The following ARSF variants were observed in gnomAD, a reference collection of about 807,000 sequenced individuals.
The protein encoded by ARSF is arylsulfatase F.
In ARSF, 33 loss-of-function variants were observed where a neutral mutation model predicts 35.4. The ratio of observed to expected loss-of-function variants is 0.93; its 90% CI spans 0.71 to 1.25. ARSF has a LOEUF of 1.25. ARSF is among the 50% of genes most tolerant of loss of function. ARSF has a pLI of 0.00. For synonymous variants in ARSF, 222 were observed against 193.1 expected, an observed-to-expected ratio of 1.15 and a Z score of -1.24; for missense variants, 501 against 480.2, an observed-to-expected ratio of 1.04 and a Z score of -0.40.
At chrX:3,077,928 TG>T (rs1480042355) in intron 4 of ARSF, among the ~76,000 whole-genome samples, 1 of 104,940 alleles carries the variant, frequency 9.5e-6, no homozygotes, top group Non-Finnish European at 1.9e-5. Context: ...CTCAGCCTCC[TG>T]GGTAACTGGG....
intron 7 of ARSF, among the ~76,000 whole-genome samples, chrX:3,092,054 A>G (rs763235439): frequency 1.9e-4 from 21 of 111,199 alleles, no homozygotes; most frequent in Non-Finnish European, 3.8e-4. Flanking sequence ...ATAGATAAGT[A>G]CATGATACAT....
At chrX:3,109,032 A>C in intron 9 of ARSF, among the ~76,000 whole-genome samples, 1 of 109,378 alleles carries the variant, frequency 9.1e-6, no homozygotes. Context: ...AAGAAAAAAA[A>C]ATCCTGGCTG....
intron 1 of ARSF, among the ~76,000 whole-genome samples, chrX:3,044,062 C>T (rs2089965747): frequency 9.0e-6 from 1 of 111,613 alleles, no homozygotes; most frequent in Non-Finnish European, 1.9e-5. Context: ...GCTAGGATTA[C>T]AGGCGTGTGG....
chrX:3,108,744 C>T (rs1225555338), intron 9 of ARSF, among the ~76,000 whole-genome samples: 3 of 111,646 alleles, frequency 2.7e-5, no homozygotes, highest in Admixed American at 1.9e-4. Flanking sequence ...AGGCATGGCA[C>T]GGTGGCTCAC....
At chrX:3,077,789 T>TTTATTTATTATTATTA (rs1555919571) in intron 4 of ARSF, among the ~76,000 whole-genome samples, 1 of 92,216 alleles carries the variant, frequency 1.1e-5, no homozygotes, top group South Asian at 6.1e-4. Context: ...TTTTATTTTA[T>TTTATTTATTATTATTA]TTATTATTAT....
At chrX:3,101,253 T>C in intron 8 of ARSF, 32 bp downstream of exon 8, 1 of 1,191,090 alleles carries the variant, frequency 8.4e-7, no homozygotes, top group South Asian at 1.9e-5. Flanking sequence ...AGTGATCTGG[T>C]GGTGAATAAG....
chrX:3,072,764 T>C (rs2090114436), intron 3 of ARSF, among the ~76,000 whole-genome samples: 1 of 108,502 alleles, frequency 9.2e-6, no homozygotes, highest in Non-Finnish European at 1.9e-5. Flanking sequence ...TATGAACATA[T>C]AAATGTCATT....
intron 1 of ARSF, among the ~76,000 whole-genome samples, chrX:3,045,776 A>C (rs1303868205): frequency 1.0e-4 from 11 of 109,522 alleles, no homozygotes; most frequent in Admixed American, 2.9e-4. Context: ...GCTGGTCTCA[A>C]ACTCCTGACC....
intron 4 of ARSF, among the ~76,000 whole-genome samples, chrX:3,077,678 G>A (rs2147504153): frequency 9.1e-6 from 1 of 109,492 alleles, no homozygotes; most frequent in Admixed American, 9.8e-5. Flanking sequence ...AACCCACAAA[G>A]TCATAAACCA....
chrX:3,076,553 C>T lies in ARSF; in HGVS notation c.167C>T (p.Pro56Leu), dbSNP rs756113484. 1 of 1,201,468 alleles carries T rather than the reference C, an allele frequency of 8.3e-7. No homozygotes were observed. The highest frequency in any genetic ancestry group is 1.8e-5 in the African/African-American group (1 of 56,577). Reference sequence around the variant, plus strand: ...CCTTCCCTCTCCCCCTTCAGGACGCCTCACATCGACCGCCTTGCCAGGGAA... The same window carrying T: ...CCTTCCCTCTCCCCCTTCAGGACGCTTCACATCGACCGCCTTGCCAGGGAA... ...GCYGNDTMRT[P>L]HIDRLAREGV... The change falls in exon 4 of 11, where the codon CCT becomes CTT. Residue 56 changes from proline (P) to leucine (L), a missense_variant. Physicochemically the swap from Pro to Leu is moderately conservative, Grantham distance 98. Transcript: ENST00000381127.
chrX:3,048,789 G>T (rs1007273101), intron 1 of ARSF, among the ~76,000 whole-genome samples: 2 of 112,139 alleles, frequency 1.8e-5, no homozygotes, highest in South Asian at 3.7e-4. Flanking sequence ...TTTTGGGTTC[G>T]CAATAGATTC....
chrX:3,047,064 G>A (rs1392211918), intron 1 of ARSF, among the ~76,000 whole-genome samples: 1 of 111,686 alleles, frequency 9.0e-6, no homozygotes, highest in African/African-American at 3.2e-5. Flanking sequence ...CCCGCGGGCC[G>A]TGGATTGGAC....
chrX:3,083,537 T>C (rs867550762), intron 5 of ARSF, among the ~76,000 whole-genome samples: 1 of 107,887 alleles, frequency 9.3e-6, no homozygotes, highest in Admixed American at 1.0e-4. Context: ...TATCCATCCA[T>C]CCATCCATCC....
intron 6 of ARSF, among the ~76,000 whole-genome samples, chrX:3,085,953 G>A (rs1270974164): frequency 1.8e-5 from 2 of 110,637 alleles, no homozygotes; most frequent in East Asian, 2.8e-4. Flanking sequence ...TCCGGGTGGC[G>A]GAGGTTGCAG....
intron 4 of ARSF, among the ~76,000 whole-genome samples, chrX:3,080,664 T>C (rs2090194199): frequency 9.1e-6 from 1 of 110,355 alleles, no homozygotes; most frequent in South Asian, 4.0e-4. Flanking sequence ...CCTCTTGCTG[T>C]GTCCTCACAT....
chrX:3,095,906 A>G (rs1165142369), intron 7 of ARSF, among the ~76,000 whole-genome samples: 2 of 108,620 alleles, frequency 1.8e-5, no homozygotes, highest in African/African-American at 6.6e-5. Context: ...AACTATATAC[A>G]TGTTATATAT....
chrX:3,061,788 C>A (rs1378910068), intron 1 of ARSF, among the ~76,000 whole-genome samples: 1 of 111,272 alleles, frequency 9.0e-6, no homozygotes, highest in African/African-American at 3.3e-5. Flanking sequence ...ACAGGAGCAC[C>A]CAGATTCATA....
chrX:3,079,970 C>CA (rs1224175073), intron 4 of ARSF, among the ~76,000 whole-genome samples: 1,216 of 28,381 alleles, frequency 0.043, 20 homozygotes, highest in African/African-American at 0.083. Flanking sequence ...ACAACAACAA[C>CA]AAAAAAAAAA....
At chrX:3,061,978 C>T (rs2090043857) in intron 1 of ARSF, among the ~76,000 whole-genome samples, 1 of 111,206 alleles carries the variant, frequency 9.0e-6, no homozygotes, top group Non-Finnish European at 1.9e-5. Flanking sequence ...GAACTCTCCA[C>T]CCCAAATCAA....
Sources: allele counts gnomAD v4.1 joint callset (sites outside exome capture counted in the v4.1 genomes callset), GRCh38; gene constraint gnomAD v4.1.1; transcripts MANE v1.5; gene names NCBI Gene and HGNC (gene_info 2026-07-23, HGNC 2026-07-21).